The following KCNAB1 variants were observed in gnomAD, a reference collection of about 807,000 sequenced individuals.
The protein encoded by KCNAB1 is voltage-gated potassium channel subunit beta-1.
In KCNAB1, 35 loss-of-function variants were observed where a neutral mutation model predicts 64.6. The ratio of observed to expected loss-of-function variants is 0.54; its 90% CI spans 0.41 to 0.72. The LOEUF (loss-of-function observed/expected upper bound fraction) is 0.72. Among genes scored for constraint, KCNAB1 ranks in the 30% least tolerant of loss-of-function variants. The probability of loss-of-function intolerance (pLI) is 0.00; values close to 1 mark genes in which losing one functional copy is unlikely to be tolerated. For synonymous variants in KCNAB1, 177 were observed against 183.8 expected (o/e 0.96, Z 0.30); for missense variants, 401 against 512.9 (o/e 0.78, Z 2.11).
intron 12 of KCNAB1, among the ~76,000 whole-genome samples, chr3:156,530,489 G>A (rs935711487): frequency 6.6e-6 from 1 of 152,162 alleles, no homozygotes; most frequent in African/African-American, 2.4e-5. Flanking sequence ...AAAGAAAGAT[G>A]ACCAAGGGCA....
At chr3:156,146,934 G>A (rs1715073164) in intron 1 of KCNAB1, among the ~76,000 whole-genome samples, 1 of 152,268 alleles carries the variant, frequency 6.6e-6, no homozygotes, top group Admixed American at 6.5e-5. Flanking sequence ...CTCAGGTTAT[G>A]TATTTACTTG....
At chr3:156,292,677 A>G (rs1560178684) in intron 1 of KCNAB1, among the ~76,000 whole-genome samples, 1 of 152,010 alleles carries the variant, frequency 6.6e-6, no homozygotes, top group Non-Finnish European at 1.5e-5. Context: ...GAGTAGCTGG[A>G]ATTACAGGCA....
intron 1 of KCNAB1, among the ~76,000 whole-genome samples, chr3:156,331,846 G>T (rs903980323): frequency 7.9e-5 from 12 of 152,230 alleles, no homozygotes; most frequent in African/African-American, 2.9e-4. Context: ...TAGCGGCAGG[G>T]GGTCAAATTT....
chr3:156,474,887 C>A, intron 8 of KCNAB1, 67 bp downstream of exon 8: 3 of 1,175,292 alleles, frequency 2.6e-6, no homozygotes, highest in Non-Finnish European at 3.8e-6. Context: ...ATTCTGCTCA[C>A]AGCAGGAAAT....
intron 1 of KCNAB1, among the ~76,000 whole-genome samples, chr3:156,376,505 A>G (rs1156286119): frequency 6.6e-6 from 1 of 152,262 alleles, no homozygotes; most frequent in Non-Finnish European, 1.5e-5. Flanking sequence ...GTGGAGTGAA[A>G]AAAAGCAAGG....
At chr3:156,372,328 T>A (rs1025086507) in intron 1 of KCNAB1, among the ~76,000 whole-genome samples, 1 of 152,202 alleles carries the variant, frequency 6.6e-6, no homozygotes, top group Non-Finnish European at 1.5e-5. Context: ...CTCAGTGAAC[T>A]CAGTTGTAAA....
intron 1 of KCNAB1, among the ~76,000 whole-genome samples, chr3:156,195,133 G>T (rs1227263084): frequency 6.6e-6 from 1 of 152,162 alleles, no homozygotes; most frequent in Non-Finnish European, 1.5e-5. Context: ...TTTTATGGCT[G>T]CATAGTATTC....
chr3:156,530,178 G>C (rs912696799), intron 12 of KCNAB1, among the ~76,000 whole-genome samples: 3 of 152,192 alleles, frequency 2.0e-5, no homozygotes, highest in African/African-American at 7.2e-5. Flanking sequence ...GACACAGTAA[G>C]AAATTTTGAA....
chr3:156,131,575 A>G (rs1713999039), intron 1 of KCNAB1, among the ~76,000 whole-genome samples: 1 of 152,208 alleles, frequency 6.6e-6, no homozygotes, highest in Non-Finnish European at 1.5e-5. Context: ...AGGTAACCCT[A>G]GCTGCAAAAT....
chr3:156,391,162 G>T (rs1166258692), intron 1 of KCNAB1, among the ~76,000 whole-genome samples: 1 of 152,128 alleles, frequency 6.6e-6, no homozygotes, highest in Non-Finnish European at 1.5e-5. Context: ...TGGCAGAGTG[G>T]CAAGAAAGTT....
At chr3:156,435,066 G>C (rs1343947988) in intron 2 of KCNAB1, among the ~76,000 whole-genome samples, 1 of 152,172 alleles carries the variant, frequency 6.6e-6, no homozygotes, top group Non-Finnish European at 1.5e-5. Flanking sequence ...CCTGGGACTC[G>C]AGCCAGTGTG....
chr3:156,460,987 T>TCCTTCTC (rs1418284705), intron 5 of KCNAB1, among the ~76,000 whole-genome samples: 1 of 152,158 alleles, frequency 6.6e-6, no homozygotes, highest in Non-Finnish European at 1.5e-5. Context: ...ACCTACTTTC[T>TCCTTCTC]CCTTCTCCCT....
intron 1 of KCNAB1, among the ~76,000 whole-genome samples, chr3:156,308,377 C>A (rs1239516369): frequency 1.3e-5 from 2 of 152,022 alleles, no homozygotes. Context: ...GTGATATTAT[C>A]CGACTTGGGC....
intron 2 of KCNAB1, among the ~76,000 whole-genome samples, chr3:156,441,967 A>C (rs778795595): frequency 7.2e-5 from 11 of 152,202 alleles, no homozygotes; most frequent in Non-Finnish European, 1.6e-4. Context: ...TTTTTAAATA[A>C]ATTTTGCTTC....
intron 2 of KCNAB1, among the ~76,000 whole-genome samples, chr3:156,448,274 A>G (rs1470315722): frequency 1.3e-5 from 2 of 152,236 alleles, no homozygotes; most frequent in African/African-American, 4.8e-5. Flanking sequence ...TTACACAGTG[A>G]AATAATTGTA....
chr3:156,196,293 C>T (rs76504840), intron 1 of KCNAB1, among the ~76,000 whole-genome samples: 3 of 152,160 alleles, frequency 2.0e-5, no homozygotes, highest in African/African-American at 7.2e-5. Context: ...GCTATACAGG[C>T]TCTTTTTTGG....
chr3:156,460,654 C>T (rs1712831542), intron 5 of KCNAB1: 2 of 152,204 alleles, frequency 1.3e-5, no homozygotes, highest in Admixed American at 1.3e-4. Context: ...TGCTGATTAC[C>T]AAATAAATGA....
At chr3:156,383,246 C>T (rs995962357) in intron 1 of KCNAB1, among the ~76,000 whole-genome samples, 12 of 152,106 alleles carry the variant, frequency 7.9e-5, no homozygotes, top group Non-Finnish European at 7.4e-5. Flanking sequence ...TTCAAGTTGG[C>T]CTGAAAGCCA....
At chr3:156,354,723 CAAAAAA>C (rs11320799) in intron 1 of KCNAB1, among the ~76,000 whole-genome samples, 2 of 117,910 alleles carry the variant, frequency 1.7e-5, no homozygotes, top group Non-Finnish European at 1.8e-5. Context: ...ATCTCCCCTC[CAAAAAA>C]AAAAAAAAAA....
Sources: gnomAD v4.1 joint callset for allele counts (sites outside exome capture counted in the v4.1 genomes callset) on GRCh38, gnomAD v4.1.1 for gene constraint, MANE v1.5 for transcripts, NCBI Gene and HGNC (gene_info 2026-07-23, HGNC 2026-07-21) for gene names.